The following BIRC6 variants were observed in gnomAD, a reference collection of about 807,000 sequenced individuals.
BIRC6 encodes dual E2 ubiquitin-conjugating enzyme/E3 ubiquitin-protein ligase BIRC6.
In BIRC6, 98 loss-of-function variants were observed where a neutral mutation model predicts 503.3. The observed-to-expected ratio is 0.19, with a 90% CI of 0.17 to 0.23. BIRC6 has a LOEUF of 0.23. Among genes scored for constraint, BIRC6 ranks in the 10% least tolerant of loss-of-function variants. The probability of loss-of-function intolerance (pLI) is 1.00; values close to 1 mark genes in which losing one functional copy is unlikely to be tolerated. For synonymous variants in BIRC6, 2,240 were observed against 2,078.7 expected (o/e 1.08, Z -2.11); for missense variants, 5,360 against 5,806.0 (o/e 0.92, Z 2.50).
rs2049279871 is a variant in BIRC6, at chr2:32,473,018, C to T, written c.6593-94C>T. On this transcript the variant is annotated intron_variant, in intron 32 of 73. Coordinates refer to ENST00000421745, the MANE Select transcript of BIRC6 (RefSeq NM_016252.4). ...TTAAAACTGCTTTTCATGATTGACACATGTATAACTGTGTTTTTTGTTTTC... is the reference window on the plus strand; with the variant it reads ...TTAAAACTGCTTTTCATGATTGACATATGTATAACTGTGTTTTTTGTTTTC... 2.9e-6 allele frequency: 3 copies of T among 1,045,360 alleles called. No homozygotes were observed. In the Admixed American group the frequency reaches 9.8e-5, roughly 34 times the overall value. The allele number at this position is 1,045,360 out of a possible 1,614,324, so 64.8% of individuals were successfully genotyped here.
chr2:32,525,621 C>T lies in BIRC6; in HGVS notation c.11913C>T (p.Leu3971=), dbSNP rs1461356432. The T allele has an allele frequency of 6.2e-7, 1 of 1,612,190 alleles. No individual in the cohort carries two copies. Among genetic ancestry groups the T allele is most frequent in the Non-Finnish European group, 8.5e-7 (1 of 1,179,154 alleles). ...CAGTGTTTCACCTGTTTCACAAACT[C>T]TTGGCAGGTAATATTCCTCAATGAA... The part of the protein sequence containing the change: ...TVPVFHLFHK[L]LAGQPLPAEM... The change falls in exon 59 of 74, where the codon CTC becomes CTT. Residue 3971 remains leucine, a synonymous_variant. Coordinates refer to ENST00000421745, the MANE Select transcript of BIRC6 (RefSeq NM_016252.4).
chr2:32,436,203 C>A lies in BIRC6; in HGVS notation c.3631+19C>A. ...GTTAAAGGTGAAGTAATACATTTTA[C>A]AAAAGCAGAATTAATAATACCACAG... On this transcript the variant is annotated intron_variant, in intron 15 of 73. Transcript: ENST00000421745. 1 of 1,375,352 alleles carries A rather than the reference C, an allele frequency of 7.3e-7. No homozygotes were observed. Among genetic ancestry groups the A allele is most frequent in the Non-Finnish European group, 9.5e-7 (1 of 1,047,142 alleles). 85.2% of individuals were successfully genotyped at this position (1,375,352 alleles called of 1,614,324 possible).
Position 32,357,207 on chromosome 2 carries a change from C to A in BIRC6, c.46C>A (p.Pro16Thr), listed in dbSNP as rs967201085. 3 of 1,538,794 alleles carry A rather than the reference C, an allele frequency of 1.9e-6. No individual in the cohort carries two copies. The highest frequency in any genetic ancestry group is 2.6e-6 in the Non-Finnish European group (3 of 1,148,228). Residue 16 changes from proline to threonine, a missense_variant, in exon 1 of 74, where the codon CCG becomes ACG. Pro to Thr is a conservative substitution (Grantham distance 38). Around this residue, in one of 16 missense-constraint regions of BIRC6, gnomAD observed 145 missense variants for 106.9 expected, o/e 1.36. Transcript: ENST00000421745. The surrounding 1 kb of genome is among the most constrained non-coding windows in gnomAD (Gnocchi z 4.9). ...GAAPPGTVTEPLPSVIVLSAG... is the reference protein window; with the variant it reads ...GAAPPGTVTETLPSVIVLSAG... ...TGCACCTCCCGGGACTGTCACTGAG[C>A]CGCTTCCCAGTGTGATTGTGCTGAG...
At chr2:32,542,271 C>T (rs1303726283) in intron 61 of BIRC6, among the ~76,000 whole-genome samples, 1 of 151,964 alleles carries the variant, frequency 6.6e-6, no homozygotes, top group African/African-American at 2.4e-5. Flanking sequence ...AATCAGGGCT[C>T]CTTGGAGAAA....
chr2:32,457,942 AAT>A (rs1291612596), intron 23 of BIRC6, among the ~76,000 whole-genome samples: 1 of 152,126 alleles, frequency 6.6e-6, no homozygotes, highest in African/African-American at 2.4e-5. Context: ...AATATCTGAT[AAT>A]TACCTAAATT....
chr2:32,495,790 GTTTTTT>G (rs11464835), intron 45 of BIRC6, among the ~76,000 whole-genome samples: 1 of 84,812 alleles, frequency 1.2e-5, no homozygotes, highest in African/African-American at 4.8e-5. Flanking sequence ...TCAGGATGAA[GTTTTTT>G]TTTTTTTTTT....
At chr2:32,475,686 T>A (rs1480921529) in intron 33 of BIRC6, among the ~76,000 whole-genome samples, 1 of 152,160 alleles carries the variant, frequency 6.6e-6, no homozygotes, top group Non-Finnish European at 1.5e-5. Flanking sequence ...TAGAGAAAAT[T>A]GGGTAAAGTG....
rs981184608 is a variant in BIRC6, at chr2:32,452,994, A to G, written c.4619-814A>G. ...TTCAGCTGTTAATGACAGTTTTTAT[A>G]CCTCCCCATTCTTTTCATCTGTGAA... is the stretch of plus-strand genomic sequence containing the variant. On this transcript the variant is annotated intron_variant, in intron 22 of 73. Transcript: ENST00000421745. Among the ~76,000 whole-genome samples the G allele has an allele frequency of 2.7e-5, 4 of 150,272 alleles. No individual in the cohort carries two copies. In the Admixed American group the frequency reaches 2.7e-4, roughly 10 times the overall value.
chr2:32,617,965 TA>T lies in BIRC6; in HGVS notation c.*62del. The T allele has an allele frequency of 6.8e-7, 1 of 1,476,102 alleles. No homozygotes were observed. Among genetic ancestry groups the T allele is most frequent in the Non-Finnish European group, 9.2e-7 (1 of 1,088,086 alleles). 91.4% of individuals were successfully genotyped at this position (1,476,102 alleles called of 1,614,324 possible). On this transcript the variant is annotated 3_prime_UTR_variant, in exon 74 of 74. Coordinates refer to ENST00000421745, the MANE Select transcript of BIRC6 (RefSeq NM_016252.4). The stretch of plus-strand genomic sequence containing the variant: ...TCGAAGCACAAGCCAAATATGTCAA[TA>T]TTTGTATGTAAGAAACTAATTATGT...
chr2:32,508,586 G>A (rs1254812959), intron 51 of BIRC6, among the ~76,000 whole-genome samples: 1 of 151,980 alleles, frequency 6.6e-6, no homozygotes, highest in African/African-American at 2.4e-5. Flanking sequence ...CCTATGACCA[G>A]CCTATGACAT....
chr2:32,467,959 A>G lies in BIRC6; in HGVS notation c.5628A>G (p.Gly1876=), dbSNP rs532794360. Reference sequence around the variant, plus strand: ...ATGCCAGAGCCAAAATCCCATTAGGATTTTACTATGGTCATACCTACATCT... The same window carrying G: ...ATGCCAGAGCCAAAATCCCATTAGGGTTTTACTATGGTCATACCTACATCT... The part of the protein sequence containing the change: ...STNARAKIPL[G]FYYGHTYILP... Residue 1876 remains glycine (G), a synonymous_variant, in exon 28 of 74, where the codon GGA becomes GGG. Coordinates refer to ENST00000421745, the MANE Select transcript of BIRC6 (RefSeq NM_016252.4). The G allele has an allele frequency of 9.3e-6, 15 of 1,613,748 alleles. No individual in the cohort carries two copies. The highest frequency in any genetic ancestry group is 1.2e-5 in the Non-Finnish European group (14 of 1,179,814).
intron 57 of BIRC6, among the ~76,000 whole-genome samples, chr2:32,521,496 G>C (rs927568885): frequency 6.6e-6 from 1 of 151,296 alleles, no homozygotes; most frequent in Non-Finnish European, 1.5e-5. Context: ...TTTTGAGACG[G>C]AGTCTCACTC....
Position 32,412,821 on chromosome 2 carries a change from C to A in BIRC6, c.1478-1948C>A, listed in dbSNP as rs187777208. 8.4e-4 allele frequency among the ~76,000 whole-genome samples: 128 copies of A among 151,938 alleles called. 1 individual carries two copies. Among genetic ancestry groups the A allele is most frequent in the African/African-American group, 2.9e-3 (119 of 41,468 alleles). On this transcript the variant is annotated intron_variant, in intron 9 of 73. Coordinates refer to ENST00000421745, the MANE Select transcript of BIRC6 (RefSeq NM_016252.4). ...CTTTTTTAATGGATATTTTGCATAG[C>A]GCATAAATGACAGATGCATAAGTAG...
intron 66 of BIRC6, among the ~76,000 whole-genome samples, chr2:32,583,499 A>G (rs2060822864): frequency 6.6e-6 from 1 of 152,234 alleles, no homozygotes; most frequent in South Asian, 2.1e-4. Flanking sequence ...CTGAGATAGC[A>G]TTCCTTCTGG....
At chr2:32,439,193 GTGTA>G (rs928038376) in intron 15 of BIRC6, among the ~76,000 whole-genome samples, 11 of 151,666 alleles carry the variant, frequency 7.3e-5, no homozygotes, top group South Asian at 2.1e-4. Flanking sequence ...GTGTGTGCGT[GTGTA>G]TGTGTGTGTG....
At chr2:32,389,630 A>G (rs1041832392) in intron 4 of BIRC6, among the ~76,000 whole-genome samples, 1 of 152,220 alleles carries the variant, frequency 6.6e-6, no homozygotes, top group Non-Finnish European at 1.5e-5. Context: ...CAAGGTTTAG[A>G]AATGCTGTAC....
At chr2:32,489,034 T>A (rs1375157132) in intron 42 of BIRC6, among the ~76,000 whole-genome samples, 1 of 152,072 alleles carries the variant, frequency 6.6e-6, no homozygotes, top group African/African-American at 2.4e-5. Flanking sequence ...TTTATTATTT[T>A]TTTTTTTCAT....
Position 32,468,629 on chromosome 2 carries a change from G to C in BIRC6, c.5973G>C (p.Val1991=). 1 of 1,614,022 alleles carries C rather than the reference G, an allele frequency of 6.2e-7. No homozygotes were observed. The stretch of plus-strand genomic sequence containing the variant: ...AACTAAATTTGGCTCATAATGCAGT[G>C]CAGAGGCTCAAAGTGGCGCTAGGTG... ...QLQLNLAHNA[V]QRLKVALGAS... is the part of the protein sequence containing the mutation. The change falls in exon 29 of 74, where the codon GTG becomes GTC. Residue 1991 remains valine, a synonymous_variant. Transcript: ENST00000421745.
chr2:32,459,374 G>C (rs1293749596), intron 23 of BIRC6, among the ~76,000 whole-genome samples: 1 of 152,144 alleles, frequency 6.6e-6, no homozygotes, highest in Non-Finnish European at 1.5e-5. Context: ...TAATGCTGCT[G>C]TGAACATGTT....
Sources: allele counts gnomAD v4.1 joint callset (sites outside exome capture counted in the v4.1 genomes callset), GRCh38; gene constraint gnomAD v4.1.1; regional missense constraint gnomAD v4.1.1; non-coding constraint Gnocchi (gnomAD v3.1); transcripts MANE v1.5; gene names NCBI Gene and HGNC (gene_info 2026-07-23, HGNC 2026-07-21).